ZNF221: variants seen among roughly 807,000 people sequenced by gnomAD.
The protein encoded by ZNF221 is zinc finger protein 221.
In ZNF221, 10 loss-of-function variants were observed where a neutral mutation model predicts 12.6. That is an observed-to-expected ratio of 0.79 (90% CI 0.49 to 1.34). ZNF221 has a LOEUF of 1.34. Among genes scored for constraint, ZNF221 ranks in the 40% most tolerant of loss-of-function variants. The pLI is 0.00. For synonymous variants in ZNF221, 232 were observed against 244.0 expected (o/e 0.95, Z 0.46); for missense variants, 661 against 721.4 (o/e 0.92, Z 0.96).
chr19:43,956,973 G>T (rs560255699), intron 1 of ZNF221, among the ~76,000 whole-genome samples: 130 of 152,288 alleles, frequency 8.5e-4, no homozygotes, highest in African/African-American at 2.7e-3. Context: ...AAAAAGGAAC[G>T]TGACATTCAA....
intron 2 of ZNF221, among the ~76,000 whole-genome samples, chr19:43,963,109 C>G (rs1468537504): frequency 1.3e-5 from 2 of 152,118 alleles, no homozygotes; most frequent in Non-Finnish European, 2.9e-5. Flanking sequence ...ACATTCATAA[C>G]TGTATTTTTA....
downstream of ZNF221, among the ~76,000 whole-genome samples, chr19:43,970,795 G>A (rs779448486): frequency 9.9e-5 from 15 of 152,110 alleles, no homozygotes; most frequent in South Asian, 2.1e-4. Context: ...GACTGATTGC[G>A]GAACCTGAAA....
At chr19:43,969,511 G>T (rs1975052877), downstream of ZNF221, among the ~76,000 whole-genome samples, 14 of 152,054 alleles carry the variant, frequency 9.2e-5, no homozygotes, top group South Asian at 2.1e-3. Context: ...ACCACACCTG[G>T]CTAATTTTTG....
At chr19:43,978,616 G>T in the ZNF221 span, 6 of 152,060 alleles carry the variant, frequency 3.9e-5, no homozygotes, top group African/African-American at 1.4e-4. Flanking sequence ...ATGTCTCACA[G>T]ACTGCATGAG....
In ZNF221 at chr19:43,967,241, A is replaced by G. The variant is rs759704858; in HGVS notation, c.1739A>G (p.His580Arg). 1.3e-5 allele frequency: 21 copies of G among 1,614,230 alleles called. No individual in the cohort carries two copies. The highest frequency in any genetic ancestry group is 3.3e-5 in the Admixed American group (2 of 60,032). ...GGCTGGGCTTCATGTCTTTTGAAAC[A>G]TCAGAGACTCCACAGTGGAGAAAAG... ...SFGWASCLLK[H>R]QRLHSGEKPL... The change falls in exon 5 of 5, where the codon CAT (histidine) becomes CGT (arginine). Residue 580 changes from histidine to arginine, a missense_variant. His to Arg is a conservative substitution (Grantham distance 29, BLOSUM62 0). Transcript: ENST00000587682.
the ZNF221 span, among the ~76,000 whole-genome samples, chr19:43,972,988 A>G: frequency 0.056 from 8,523 of 152,228 alleles, 264 homozygotes; most frequent in Middle Eastern, 0.17. Flanking sequence ...ATGACTATCA[A>G]TGCAAAAATC....
chr19:43,970,530 A>C (rs1011557872), downstream of ZNF221, among the ~76,000 whole-genome samples: 2 of 152,198 alleles, frequency 1.3e-5, no homozygotes, highest in African/African-American at 4.8e-5. Context: ...AAAACAATAC[A>C]GGAGCTGATG....
At chr19:43,967,747 G>C (rs1321279332), downstream of ZNF221, 1 of 176,644 alleles carries the variant, frequency 5.7e-6, no homozygotes, top group African/African-American at 2.4e-5. Context: ...CAAAGTGCTG[G>C]GATTACAGGC....
downstream of ZNF221, among the ~76,000 whole-genome samples, chr19:43,968,836 C>T (rs1331352773): frequency 6.6e-6 from 1 of 152,208 alleles, no homozygotes; most frequent in African/African-American, 2.4e-5. Flanking sequence ...CGACCCTGCG[C>T]AGGAAACCAT....
the ZNF221 span, among the ~76,000 whole-genome samples, chr19:43,978,037 T>C: frequency 3.2e-4 from 48 of 152,318 alleles, no homozygotes; most frequent in African/African-American, 1.1e-3. Flanking sequence ...TACATAAGAC[T>C]CAACTCCTCT....
chr19:43,971,225 C>T (rs1345813077), downstream of ZNF221, among the ~76,000 whole-genome samples: 1 of 152,124 alleles, frequency 6.6e-6, no homozygotes, highest in Non-Finnish European at 1.5e-5. Flanking sequence ...TTCATCACCA[C>T]CAGGCCTTCC....
At chr19:43,980,679 T>A in the ZNF221 span, among the ~76,000 whole-genome samples, 47 of 152,364 alleles carry the variant, frequency 3.1e-4, no homozygotes, top group African/African-American at 1.1e-3. Context: ...TGTAGGCCTA[T>A]TGAGCTATCC....
chr19:43,961,130 G>T (rs753504160), intron 1 of ZNF221, among the ~76,000 whole-genome samples: 2 of 152,176 alleles, frequency 1.3e-5, no homozygotes, highest in Non-Finnish European at 2.9e-5. Context: ...GCCCTGGCTG[G>T]AGTACAGTAG....
intron 2 of ZNF221, among the ~76,000 whole-genome samples, chr19:43,963,194 AT>A (rs778875145): frequency 4.6e-5 from 7 of 152,158 alleles, no homozygotes; most frequent in Non-Finnish European, 1.0e-4. Context: ...TTATATTGGT[AT>A]CATAGTCCCA....
chr19:43,979,718 T>C, the ZNF221 span, among the ~76,000 whole-genome samples: 4 of 152,236 alleles, frequency 2.6e-5, no homozygotes, highest in East Asian at 7.7e-4. Flanking sequence ...AAATCATTTG[T>C]ATATGTCATA....
the ZNF221 span, among the ~76,000 whole-genome samples, chr19:43,975,449 A>G: frequency 6.6e-6 from 1 of 152,176 alleles, no homozygotes; most frequent in African/African-American, 2.4e-5. Context: ...CAGAAAACCA[A>G]ACACTGCATG....
At chr19:43,960,319 C>A (rs1053762892) in intron 1 of ZNF221, 18 of 151,708 alleles carry the variant, frequency 1.2e-4, no homozygotes, top group African/African-American at 4.1e-4. Context: ...TATATGGGAG[C>A]AAAAAAATGA....
At chr19:43,965,437 T>G in intron 4 of ZNF221, 112 bp downstream of exon 4, 3 of 832,354 alleles carry the variant, frequency 3.6e-6, no homozygotes, top group Non-Finnish European at 5.4e-6. Flanking sequence ...TTTCATAACT[T>G]ATTGCAACTG....
Position 43,966,541 on chromosome 19 carries a change from T to C in ZNF221, c.1039T>C (p.Phe347Leu), listed in dbSNP as rs1270844493. 6.2e-7 allele frequency: 1 copy of C among 1,614,152 alleles called. No homozygotes were observed. The highest frequency in any genetic ancestry group is 1.3e-5 in the African/African-American group (1 of 75,046). The change falls in exon 5 of 5, where the codon TTT becomes CTT. Residue 347 changes from phenylalanine (F) to leucine (L), a missense_variant. By Grantham distance (22) the Phe-to-Leu change is conservative (BLOSUM62 0). Coordinates refer to ENST00000587682, the MANE Select transcript of ZNF221 (RefSeq NM_001297588.2). ...PFRCDTCGKN[F>L]RQRSALNSHS... ...CAGATGTGATACATGTGGCAAGAAC[T>C]TTCGTCAGAGATCAGCACTTAATAG... is the stretch of plus-strand genomic sequence containing the variant.
Sources: gnomAD v4.1 joint callset for allele counts (sites outside exome capture counted in the v4.1 genomes callset) on GRCh38, gnomAD v4.1.1 for gene constraint, MANE v1.5 for transcripts, NCBI Gene and HGNC (gene_info 2026-07-23, HGNC 2026-07-21) for gene names.